The following CDH4 variants were observed in gnomAD, a reference collection of about 807,000 sequenced individuals.
The protein encoded by CDH4 is cadherin-4.
In CDH4, 33 loss-of-function variants were observed where a neutral mutation model predicts 86.0. The observed-to-expected ratio is 0.38, with a 90% confidence interval of 0.29 to 0.51. CDH4 has a LOEUF of 0.51. CDH4 is among the 20% of genes least tolerant of loss of function. The pLI, the probability that CDH4 is intolerant of heterozygous loss-of-function variation, is 0.86. For synonymous variants in CDH4, 555 were observed against 549.4 expected, an observed-to-expected ratio of 1.01 and a Z score of -0.14; for missense variants, 1,114 against 1,307.4, an observed-to-expected ratio of 0.85 and a Z score of 2.28.
chr20:61,779,580 C>T (rs1270030646), intron 4 of CDH4, among the ~76,000 whole-genome samples: 1 of 152,380 alleles, frequency 6.6e-6, no homozygotes, highest in African/African-American at 2.4e-5. Context: ...GCAACGTTTC[C>T]TTCACGTCTT....
chr20:61,422,444 A>C (rs1208243659), intron 2 of CDH4, among the ~76,000 whole-genome samples: 3 of 137,794 alleles, frequency 2.2e-5, no homozygotes, highest in Non-Finnish European at 3.1e-5. Flanking sequence ...AAAAAAAAAA[A>C]AAAAAAAAAA....
At chr20:61,855,745 C>T (rs972233644) in intron 6 of CDH4, among the ~76,000 whole-genome samples, 29 of 152,250 alleles carry the variant, frequency 1.9e-4, no homozygotes, top group African/African-American at 6.5e-4. Flanking sequence ...CTGGAGAGCC[C>T]GGCTGCCCGG....
At chr20:61,813,612 G>A (rs768908614) in intron 4 of CDH4, among the ~76,000 whole-genome samples, 28 of 152,172 alleles carry the variant, frequency 1.8e-4, no homozygotes, top group Non-Finnish European at 2.8e-4. Flanking sequence ...GGGAGCGGTC[G>A]TTCTGCTGGC....
intron 2 of CDH4, among the ~76,000 whole-genome samples, chr20:61,288,819 G>A (rs991075791): frequency 6.6e-6 from 1 of 152,270 alleles, no homozygotes; most frequent in East Asian, 1.9e-4. Flanking sequence ...AAGCAGGTTT[G>A]GCTTTTATCT....
chr20:61,385,634 C>G (rs1026912771), intron 2 of CDH4, among the ~76,000 whole-genome samples: 1 of 152,158 alleles, frequency 6.6e-6, no homozygotes, highest in Admixed American at 6.5e-5. Context: ...TCCTGCTCTC[C>G]TGCCTCCTCT....
At chr20:61,700,709 T>A (rs6089476) in intron 2 of CDH4, among the ~76,000 whole-genome samples, 32,164 of 152,144 alleles carry the variant, frequency 0.21, 3,936 homozygotes, top group East Asian at 0.35. Flanking sequence ...CATCACCCTA[T>A]ACGGCCTCAC....
rs1020236243 is a variant in CDH4, at chr20:61,902,219, C to G, written c.1188+7172C>G. Among the ~76,000 whole-genome samples the G allele has an allele frequency of 1.3e-5, 2 of 152,190 alleles. No homozygotes were observed. Among genetic ancestry groups the G allele is most frequent in the African/African-American group, 4.8e-5 (2 of 41,442 alleles). ...GTGGATGGCCGTTTTCAGAGCAGGG[C>G]AGGCAGCACAAACGGATGAACGATG... On this transcript the variant is annotated intron_variant, in intron 8 of 15. Transcript: ENST00000614565. This position sits in a 1 kb window ranked among gnomAD's most constrained non-coding sequence, Gnocchi z 4.6.
chr20:61,840,635 G>A (rs190105596), intron 4 of CDH4, among the ~76,000 whole-genome samples: 6 of 152,100 alleles, frequency 3.9e-5, no homozygotes, highest in Non-Finnish European at 5.9e-5. Flanking sequence ...TAAGGCGATC[G>A]GCGCACTGGA....
rs181170949 is a variant in CDH4, at chr20:61,532,475, G to A, written c.170-211088G>A. ...TCTGACCCCACTCCTTATGTCACCT[G>A]TGACTCATCTTTAAAAAGACCCGCA... On this transcript the variant is annotated intron_variant, in intron 2 of 15. Transcript: ENST00000614565. Among the ~76,000 whole-genome samples the A allele has an allele frequency of 1.4e-4, 22 of 152,270 alleles. No homozygotes were observed. In the South Asian group the frequency reaches 3.9e-3, roughly 27 times the overall value.
At chr20:61,445,550 G>C (rs1256273451) in intron 2 of CDH4, among the ~76,000 whole-genome samples, 1 of 151,898 alleles carries the variant, frequency 6.6e-6, no homozygotes, top group Non-Finnish European at 1.5e-5. Flanking sequence ...CTTCCCTCCG[G>C]CCCCTCCTCC....
chr20:61,920,710 G>A (rs573100459), intron 9 of CDH4, among the ~76,000 whole-genome samples: 86 of 151,136 alleles, frequency 5.7e-4, no homozygotes, highest in Admixed American at 5.1e-3. Flanking sequence ...GAAGCGTGGT[G>A]TCACGGTGAT....
intron 2 of CDH4, among the ~76,000 whole-genome samples, chr20:61,721,650 C>T (rs1477672817): frequency 1.3e-5 from 2 of 152,194 alleles, no homozygotes; most frequent in Non-Finnish European, 2.9e-5. Flanking sequence ...CATAATGCAC[C>T]ATGCACATTT....
chr20:61,259,572 G>A (rs2084118221), intron 2 of CDH4, among the ~76,000 whole-genome samples: 1 of 152,210 alleles, frequency 6.6e-6, no homozygotes, highest in African/African-American at 2.4e-5. Context: ...CAGACAGGGA[G>A]CTGCTATGAA....
intron 2 of CDH4, among the ~76,000 whole-genome samples, chr20:61,655,634 T>C (rs1465865421): frequency 1.3e-5 from 2 of 152,246 alleles, no homozygotes; most frequent in Non-Finnish European, 2.9e-5. Context: ...GAAGCTCCGC[T>C]GGCTTTTGTT....
At chr20:61,858,381 G>C (rs530573706) in intron 6 of CDH4, among the ~76,000 whole-genome samples, 1 of 148,986 alleles carries the variant, frequency 6.7e-6, no homozygotes, top group Non-Finnish European at 1.5e-5. Context: ...GTGTCTGTAT[G>C]TGTATCTGTG....
Position 61,754,299 on chromosome 20 carries a change from A to G in CDH4, c.396+10510A>G, listed in dbSNP as rs1463732995. Reference sequence around the variant, plus strand: ...AGATGGCAGAGTGCAGACAGACCCCAAGGCATCCCCGAAGGCAGGGAGGAG... The same window carrying G: ...AGATGGCAGAGTGCAGACAGACCCCGAGGCATCCCCGAAGGCAGGGAGGAG... On this transcript the variant is annotated intron_variant, in intron 3 of 15. Coordinates refer to ENST00000614565, the MANE Select transcript of CDH4 (RefSeq NM_001794.5). The surrounding 1 kb of genome is among the most constrained non-coding windows in gnomAD (Gnocchi z 4.7). 1.3e-5 allele frequency among the ~76,000 whole-genome samples: 2 copies of G among 152,178 alleles called. No homozygotes were observed. Among genetic ancestry groups the G allele is most frequent in the South Asian group, 2.1e-4 (1 of 4,818 alleles).
chr20:61,687,104 C>A (rs916493558), intron 2 of CDH4, among the ~76,000 whole-genome samples: 2 of 152,220 alleles, frequency 1.3e-5, no homozygotes, highest in Non-Finnish European at 2.9e-5. Flanking sequence ...CCCGCACGCC[C>A]TGGCCAGTCC....
At chr20:61,842,052 T>C (rs998933199) in intron 4 of CDH4, among the ~76,000 whole-genome samples, 17 of 152,222 alleles carry the variant, frequency 1.1e-4, no homozygotes, top group Admixed American at 8.5e-4. Context: ...TCTCTATGAA[T>C]TGGAGTTTTT....
chr20:61,646,467 T>C (rs2087062321), intron 2 of CDH4, among the ~76,000 whole-genome samples: 1 of 152,216 alleles, frequency 6.6e-6, no homozygotes, highest in South Asian at 2.1e-4. Context: ...CAGACACACC[T>C]GGGCTCACCC....
Sources: allele counts gnomAD v4.1 joint callset (sites outside exome capture counted in the v4.1 genomes callset), GRCh38; gene constraint gnomAD v4.1.1; non-coding constraint Gnocchi (gnomAD v3.1); transcripts MANE v1.5; gene names NCBI Gene and HGNC (gene_info 2026-07-23, HGNC 2026-07-21).